CSMD2: variants seen among roughly 807,000 people sequenced by gnomAD.
The protein encoded by CSMD2 is CUB and Sushi multiple domains 2.
CSMD2 carries 130 observed loss-of-function variants against 398.5 expected under a neutral mutation model. The observed-to-expected ratio is 0.33, with a 90% CI of 0.28 to 0.38. The LOEUF (loss-of-function observed/expected upper bound fraction) is 0.38, where lower values mean the gene tolerates loss of function less well. Among genes scored for constraint, CSMD2 ranks in the 10% least tolerant of loss-of-function variants. The pLI is 1.00. For synonymous variants in CSMD2, 1,828 were observed against 1,908.5 expected (o/e 0.96, Z 1.10); for missense variants, 3,829 against 4,764.9 (o/e 0.80, Z 5.78).
intron 15 of CSMD2, among the ~76,000 whole-genome samples, chr1:33,733,187 C>A (rs1260212504): frequency 1.3e-5 from 2 of 152,166 alleles, no homozygotes; most frequent in Non-Finnish European, 2.9e-5. Flanking sequence ...GAAGTCCTTT[C>A]CTCTGACCAG....
intron 3 of CSMD2, among the ~76,000 whole-genome samples, chr1:34,012,824 C>T (rs1189928097): frequency 1.3e-5 from 2 of 152,172 alleles, no homozygotes; most frequent in African/African-American, 4.8e-5. Flanking sequence ...CACACACAGT[C>T]ACATAAACAA....
At chr1:33,928,345 T>C (rs1484051780) in intron 4 of CSMD2, among the ~76,000 whole-genome samples, 2 of 152,198 alleles carry the variant, frequency 1.3e-5, no homozygotes, top group Non-Finnish European at 2.9e-5. Flanking sequence ...CAACAGGTAA[T>C]GCAGGACCTG....
Position 33,726,648 on chromosome 1 carries a change from G to A in CSMD2, c.2406C>T (p.Thr802=). The change falls in exon 16 of 71, where the codon ACC becomes ACT. Residue 802 remains threonine, a synonymous_variant. Transcript: ENST00000373381. ...CGGHLTSPSG[T]ILSPGWPGFY... ...AGCCAGGCCAGCCCGGAGAGAGGAT[G>A]GTGCCGCTGGGCGAAGTCAGGTGAC... 1 of 1,613,038 alleles carries A rather than the reference G, an allele frequency of 6.2e-7. No homozygotes were observed.
chr1:33,761,126 A>T (rs115404605), intron 13 of CSMD2, among the ~76,000 whole-genome samples: 1 of 152,150 alleles, frequency 6.6e-6, no homozygotes, highest in South Asian at 2.1e-4. Context: ...TGTCAGCTGC[A>T]TGGGGGTACC....
intron 1 of CSMD2, among the ~76,000 whole-genome samples, chr1:34,160,983 A>G (rs1641273757): frequency 1.3e-5 from 2 of 152,202 alleles, no homozygotes; most frequent in Non-Finnish European, 2.9e-5. Context: ...AAAATTAGTT[A>G]GTAAGGGAGT....
chr1:33,780,738 A>T (rs531939898), intron 12 of CSMD2, among the ~76,000 whole-genome samples: 2 of 152,360 alleles, frequency 1.3e-5, no homozygotes, highest in African/African-American at 4.8e-5. Context: ...CTTTTTGAGA[A>T]GAGGCAGCTG....
rs1379938814 is a variant in CSMD2, at chr1:34,143,330, C to T, written c.187+21581G>A. 2.0e-5 allele frequency among the ~76,000 whole-genome samples: 3 copies of T among 152,104 alleles called. No individual in the cohort carries two copies. The East Asian group carries it at 5.8e-4, about 29-fold the overall frequency. On this transcript the variant is annotated intron_variant, in intron 1 of 70. Coordinates refer to ENST00000373381, the MANE Select transcript of CSMD2 (RefSeq NM_001281956.2). ...TGAAAAACTTGCGATTGACTCTTCT[C>T]AGTCTTTTCTACACTAACTGCCCCC...
At chr1:33,987,106 C>A (rs1202841642) in intron 3 of CSMD2, among the ~76,000 whole-genome samples, 1 of 152,092 alleles carries the variant, frequency 6.6e-6, no homozygotes, top group East Asian at 1.9e-4. Context: ...ATGCACAGAC[C>A]TTTATCCCCC....
rs911280350 is a variant in CSMD2 at position 33,617,363 on chromosome 1, A to G, written c.5946+136T>C. On this transcript the variant is annotated intron_variant, in intron 38 of 70. Coordinates refer to ENST00000373381, the MANE Select transcript of CSMD2 (RefSeq NM_001281956.2). Reference sequence around the variant, plus strand: ...GTTTATCTTTTGCATGAACAGCTCCAGGAGAGGATAATGGTACCCGGGGGA... The same window carrying G: ...GTTTATCTTTTGCATGAACAGCTCCGGGAGAGGATAATGGTACCCGGGGGA... 4.5e-6 allele frequency: 3 copies of G among 672,788 alleles called. No homozygotes were observed. In the African/African-American group the frequency reaches 5.4e-5, roughly 12 times the overall value. 41.7% of individuals were successfully genotyped at this position (672,788 alleles called of 1,614,324 possible).
intron 6 of CSMD2, among the ~76,000 whole-genome samples, chr1:33,832,169 A>C (rs1659657329): frequency 7.3e-6 from 1 of 137,310 alleles, no homozygotes; most frequent in South Asian, 2.7e-4. Context: ...GACCTAATAG[A>C]CATCTACAGA....
chr1:33,971,626 G>C (rs1020716039), intron 3 of CSMD2, among the ~76,000 whole-genome samples: 3 of 152,242 alleles, frequency 2.0e-5, no homozygotes, highest in African/African-American at 7.2e-5. Context: ...TCCCCGTGGA[G>C]CCCAGTGGCA....
intron 3 of CSMD2, among the ~76,000 whole-genome samples, chr1:33,964,479 T>C (rs1386249003): frequency 1.3e-5 from 2 of 152,218 alleles, no homozygotes; most frequent in African/African-American, 4.8e-5. Flanking sequence ...AATGAAGAAA[T>C]AAGCAACTGG....
intron 19 of CSMD2, among the ~76,000 whole-genome samples, chr1:33,718,911 C>A (rs1436770668): frequency 6.6e-6 from 1 of 152,150 alleles, no homozygotes; most frequent in Non-Finnish European, 1.5e-5. Flanking sequence ...GCGATGGGAC[C>A]AAAGATGCAG....
Position 33,692,977 on chromosome 1 carries a change from A to G in CSMD2, c.4005T>C (p.Asn1335=). 5.0e-6 allele frequency: 8 copies of G among 1,607,326 alleles called. No individual in the cohort carries two copies. Among genetic ancestry groups the G allele is most frequent in the Non-Finnish European group, 6.8e-6 (8 of 1,177,194 alleles). ...CTTCGATGGTCCAGATGCAGTTGAG[A>G]TTGTGTTCATAGGGAGCTGGATACC... The part of the protein sequence containing the change: ...SPGYPAPYEH[N]LNCIWTIEAE... Residue 1335 remains asparagine (N), a synonymous_variant, in exon 25 of 71, where the codon AAT becomes AAC. Coordinates refer to ENST00000373381, the MANE Select transcript of CSMD2 (RefSeq NM_001281956.2).
At chr1:33,871,317 C>A (rs1020797513) in intron 5 of CSMD2, among the ~76,000 whole-genome samples, 1 of 152,064 alleles carries the variant, frequency 6.6e-6, no homozygotes, top group Non-Finnish European at 1.5e-5. Flanking sequence ...TCTTCAATTG[C>A]CTCAAAGACA....
chr1:33,741,716 A>T (rs887168150), intron 14 of CSMD2, among the ~76,000 whole-genome samples: 2 of 152,144 alleles, frequency 1.3e-5, no homozygotes, highest in African/African-American at 4.8e-5. Flanking sequence ...TTGGAAAGAA[A>T]TACAAGTAAG....
chr1:33,581,529 C>CAAAAAAAAA (rs59068586), intron 47 of CSMD2, among the ~76,000 whole-genome samples: 7 of 36,880 alleles, frequency 1.9e-4, no homozygotes, highest in Admixed American at 4.5e-4. Context: ...GACTCAGTCT[C>CAAAAAAAAA]AAAAAAAAAA....
intron 1 of CSMD2, among the ~76,000 whole-genome samples, chr1:34,160,270 G>A (rs764279108): frequency 2.6e-5 from 4 of 152,214 alleles, no homozygotes; most frequent in Non-Finnish European, 5.9e-5. Flanking sequence ...ACTCTCCGCT[G>A]CAGTCAGCTC....
intron 29 of CSMD2, among the ~76,000 whole-genome samples, chr1:33,643,590 T>C (rs1236103735): frequency 1.3e-5 from 2 of 152,222 alleles, no homozygotes; most frequent in Non-Finnish European, 2.9e-5. Context: ...CACTGTCCCT[T>C]TTTCATGGAT....
Sources: gnomAD v4.1 joint callset for allele counts (sites outside exome capture counted in the v4.1 genomes callset) on GRCh38, gnomAD v4.1.1 for gene constraint, MANE v1.5 for transcripts, NCBI Gene and HGNC (gene_info 2026-07-23, HGNC 2026-07-21) for gene names.